Variants in ZNF670 observed in about 807,000 individuals in gnomAD.
The protein encoded by ZNF670 is zinc finger protein 670.
A neutral mutation model predicts 10.9 loss-of-function variants in ZNF670; 7 were observed. That is an observed-to-expected ratio of 0.64 (90% confidence interval 0.36 to 1.20). The LOEUF is 1.20. Ranked by LOEUF, ZNF670 falls within the 50% of genes most tolerant of loss-of-function variation. The pLI, the probability that ZNF670 is intolerant of heterozygous loss-of-function variation, is 0.02. For missense variants in ZNF670, 446 were observed against 458.6 expected (o/e 0.97, Z 0.25); for synonymous variants, 136 against 152.7 (o/e 0.89, Z 0.81).
At chr1:247,066,764 G>C (rs1291548597) in intron 1 of ZNF670, among the ~76,000 whole-genome samples, 2 of 152,144 alleles carry the variant, frequency 1.3e-5, no homozygotes, top group African/African-American at 4.8e-5. Flanking sequence ...CTTAAGTTCT[G>C]ATAATAAACA....
intron 1 of ZNF670, among the ~76,000 whole-genome samples, chr1:247,051,019 C>T (rs1436538008): frequency 6.6e-6 from 1 of 151,436 alleles, no homozygotes; most frequent in Admixed American, 6.6e-5. Flanking sequence ...TGATTTAGAA[C>T]TCCTTTAGGC....
intron 1 of ZNF670, among the ~76,000 whole-genome samples, chr1:247,066,006 C>T (rs1205156485): frequency 6.6e-6 from 1 of 152,184 alleles, no homozygotes; most frequent in East Asian, 1.9e-4. Context: ...AGTCCCATAG[C>T]AGTGTAATGG....
intron 1 of ZNF670, among the ~76,000 whole-genome samples, chr1:247,041,425 TATTTTTTTAAAAAGTCA>T (rs1213194351): frequency 6.6e-6 from 1 of 152,212 alleles, no homozygotes; most frequent in Non-Finnish European, 1.5e-5. Context: ...AAAGACCACC[TATTTTTTTAAAAAGTCA>T]ACTTCCTTGG....
chr1:247,062,365 G>C (rs193282563), intron 1 of ZNF670, among the ~76,000 whole-genome samples: 5 of 152,120 alleles, frequency 3.3e-5, no homozygotes, highest in African/African-American at 1.2e-4. Flanking sequence ...AAGGTAAACA[G>C]TAATTGTTAA....
intron 1 of ZNF670, among the ~76,000 whole-genome samples, chr1:247,051,279 A>AC (rs1670590284): frequency 1.3e-5 from 2 of 151,340 alleles, no homozygotes; most frequent in African/African-American, 4.9e-5. Flanking sequence ...CAAAAAAAAA[A>AC]CTCCTTTTAG....
In ZNF670 at chr1:247,078,634, C is replaced by G; in HGVS notation, c.-38G>C. 1.2e-6 allele frequency: 2 copies of G among 1,612,270 alleles called. No individual in the cohort carries two copies. The highest frequency in any genetic ancestry group is 2.2e-5 in the South Asian group (2 of 90,936). ...GGTGTCTGGGGTCCTCCCTAAGGACCTTCCGGGACCTGCAGGTCCCAGAGC... is the reference window on the plus strand; with the variant it reads ...GGTGTCTGGGGTCCTCCCTAAGGACGTTCCGGGACCTGCAGGTCCCAGAGC... On this transcript the variant is annotated 5_prime_UTR_variant, in exon 1 of 4. Transcript: ENST00000366503.
intron 1 of ZNF670, chr1:247,043,819 A>T (rs1465924727): frequency 5.6e-6 from 2 of 355,670 alleles, no homozygotes; most frequent in East Asian, 7.4e-5. Flanking sequence ...TGTTCCAACC[A>T]TAAGCCTCAT....
intron 1 of ZNF670, chr1:247,043,186 C>T (rs1670359206): frequency 8.0e-6 from 6 of 750,404 alleles, no homozygotes; most frequent in Non-Finnish European, 1.4e-5. Flanking sequence ...ACGTGCTGGA[C>T]CCTCATGACA....
chr1:247,048,192 C>T (rs184485514), intron 1 of ZNF670, among the ~76,000 whole-genome samples: 2 of 152,182 alleles, frequency 1.3e-5, no homozygotes, highest in East Asian at 3.9e-4. Flanking sequence ...TTTAAGAGCA[C>T]CCAAGTCACC....
At chr1:247,056,631 G>T (rs1014614055) in intron 1 of ZNF670, among the ~76,000 whole-genome samples, 1 of 152,150 alleles carries the variant, frequency 6.6e-6, no homozygotes, top group African/African-American at 2.4e-5. Context: ...GTTGAGCACG[G>T]TGGTTCATGC....
intron 1 of ZNF670, among the ~76,000 whole-genome samples, chr1:247,050,568 C>T (rs955488387): frequency 1.3e-4 from 20 of 151,932 alleles, no homozygotes; most frequent in African/African-American, 3.1e-4. Context: ...CTCCATCTCC[C>T]GGGTTCAAGC....
chr1:247,063,687 T>A (rs376915965), intron 1 of ZNF670, among the ~76,000 whole-genome samples: 4 of 150,292 alleles, frequency 2.7e-5, no homozygotes, highest in African/African-American at 9.8e-5. Flanking sequence ...CTGTTTTTCA[T>A]ACATCTTGAA....
intron 1 of ZNF670, among the ~76,000 whole-genome samples, chr1:247,074,500 T>G (rs1482807774): frequency 6.6e-6 from 1 of 152,134 alleles, no homozygotes; most frequent in Non-Finnish European, 1.5e-5. Context: ...TTTTCCTCAT[T>G]GCAATACTTC....
intron 1 of ZNF670, among the ~76,000 whole-genome samples, chr1:247,060,558 A>G (rs1670834160): frequency 6.6e-6 from 1 of 152,236 alleles, no homozygotes; most frequent in Non-Finnish European, 1.5e-5. Context: ...GGCAATGAGG[A>G]TTCAGCTGCA....
At chr1:247,059,980 A>C (rs1032096238) in intron 1 of ZNF670, among the ~76,000 whole-genome samples, 1 of 152,208 alleles carries the variant, frequency 6.6e-6, no homozygotes, top group Non-Finnish European at 1.5e-5. Flanking sequence ...GATAGAAAAA[A>C]AGATCTGAAT....
chr1:247,040,414 T>A (rs1023164726), intron 1 of ZNF670, among the ~76,000 whole-genome samples: 1 of 152,190 alleles, frequency 6.6e-6, no homozygotes, highest in Non-Finnish European at 1.5e-5. Flanking sequence ...AAACTCAATG[T>A]CATCAAGATA....
intron 1 of ZNF670, among the ~76,000 whole-genome samples, chr1:247,059,694 G>C (rs1250299926): frequency 6.6e-6 from 1 of 152,042 alleles, no homozygotes; most frequent in African/African-American, 2.4e-5. Context: ...AATTGAGAAA[G>C]GATAAATAAA....
intron 1 of ZNF670, among the ~76,000 whole-genome samples, chr1:247,055,257 T>A (rs529341055): frequency 1.8e-4 from 27 of 152,344 alleles, no homozygotes; most frequent in Admixed American, 1.4e-3. Flanking sequence ...GCACTTTCCT[T>A]TCCTTTTTTA....
At chr1:247,063,577 C>CAAAAAAAAAAAA (rs5782410) in intron 1 of ZNF670, among the ~76,000 whole-genome samples, 1 of 93,286 alleles carries the variant, frequency 1.1e-5, no homozygotes, top group Non-Finnish European at 2.1e-5. Context: ...AGCGAGACAC[C>CAAAAAAAAAAAA]AAAAAAAAAA....
Sources: allele counts gnomAD v4.1 joint callset (sites outside exome capture counted in the v4.1 genomes callset), GRCh38; gene constraint gnomAD v4.1.1; transcripts MANE v1.5; gene names NCBI Gene and HGNC (gene_info 2026-07-23, HGNC 2026-07-21).